Variants in MAPK4 observed in about 807,000 individuals in gnomAD.
The protein encoded by MAPK4 is Erk3-related.
In MAPK4, 22 loss-of-function variants were observed where a neutral mutation model predicts 47.7. The ratio of observed to expected loss-of-function variants is 0.46; its 90% CI spans 0.33 to 0.66. The LOEUF (loss-of-function observed/expected upper bound fraction) is 0.66, where lower values mean the gene tolerates loss of function less well. MAPK4 is among the 30% of genes least tolerant of loss of function. The pLI is 0.02. For synonymous variants in MAPK4, 390 were observed against 365.7 expected (o/e 1.07, Z -0.76); for missense variants, 736 against 831.7 (o/e 0.88, Z 1.42).
intron 2 of MAPK4, among the ~76,000 whole-genome samples, chr18:50,713,596 C>T (rs1426595802): frequency 6.6e-6 from 1 of 152,162 alleles, no homozygotes; most frequent in Non-Finnish European, 1.5e-5. Flanking sequence ...AGCTGCTGCC[C>T]ATGAGGGGCG....
In MAPK4 at chr18:50,729,881, C is replaced by T. The variant is rs756558615; in HGVS notation, c.*27C>T. 1 of 1,554,276 alleles carries T rather than the reference C, an allele frequency of 6.4e-7. No individual in the cohort carries two copies. The highest frequency in any genetic ancestry group is 1.2e-5 in the South Asian group (1 of 81,660). ...GGCGGAGGGGCCGCTCCAGGCCCCA[C>T]AGAGCAGGAGACCCCCAGAGAAAGC... On this transcript the variant is annotated 3_prime_UTR_variant, in exon 6 of 6. Transcript: ENST00000400384.
In MAPK4 at chr18:50,699,822, A is replaced by G. The variant is rs374494242; in HGVS notation, c.547-15257A>G. Among the ~76,000 whole-genome samples, 55 of 152,254 alleles carry G rather than the reference A, an allele frequency of 3.6e-4. 2 individuals are homozygous for G. In the South Asian group the frequency reaches 0.011, roughly 31 times the overall value. ...AACTCAGAAAAGCCCTGCATTTGTTATTATAGTTTTATTACAAAGGATTAA... is the reference window on the plus strand; with the variant it reads ...AACTCAGAAAAGCCCTGCATTTGTTGTTATAGTTTTATTACAAAGGATTAA... On this transcript the variant is annotated intron_variant, in intron 2 of 5. Coordinates refer to ENST00000400384, the MANE Select transcript of MAPK4 (RefSeq NM_002747.4).
At chr18:50,619,605 A>G (rs2042713804) in intron 1 of MAPK4, among the ~76,000 whole-genome samples, 1 of 152,186 alleles carries the variant, frequency 6.6e-6, no homozygotes, top group South Asian at 2.1e-4. Flanking sequence ...CTGGGATTAC[A>G]GGCGTGAGCC....
At chr18:50,583,312 G>C (rs942707612) in intron 1 of MAPK4, among the ~76,000 whole-genome samples, 1 of 152,220 alleles carries the variant, frequency 6.6e-6, no homozygotes, top group Non-Finnish European at 1.5e-5. Context: ...AATCAGCCAG[G>C]TGCGGTGGCT....
intron 1 of MAPK4, among the ~76,000 whole-genome samples, chr18:50,642,848 G>T (rs2042952624): frequency 6.6e-6 from 1 of 152,168 alleles, no homozygotes; most frequent in African/African-American, 2.4e-5. Flanking sequence ...CAGGTAATCC[G>T]CCCACCTTGG....
intron 1 of MAPK4, among the ~76,000 whole-genome samples, chr18:50,588,745 G>A (rs1030364935): frequency 3.3e-5 from 5 of 151,968 alleles, no homozygotes; most frequent in Non-Finnish European, 5.9e-5. Flanking sequence ...TAGTAAAGAT[G>A]GGGTTTCACC....
chr18:50,702,550 A>G (rs1909848326), intron 2 of MAPK4, among the ~76,000 whole-genome samples: 3 of 152,174 alleles, frequency 2.0e-5, no homozygotes, highest in Non-Finnish European at 4.4e-5. Flanking sequence ...AGCTTTTTAT[A>G]ATTTTTAATT....
chr18:50,602,946 G>A (rs1318432954), intron 1 of MAPK4, among the ~76,000 whole-genome samples: 3 of 151,990 alleles, frequency 2.0e-5, no homozygotes. Context: ...GGTGTCAGAG[G>A]GCCAAGATGG....
chr18:50,600,991 C>T (rs2042531977), intron 1 of MAPK4, among the ~76,000 whole-genome samples: 2 of 151,532 alleles, frequency 1.3e-5, no homozygotes, highest in African/African-American at 4.9e-5. Flanking sequence ...GGCACAATGG[C>T]TCACTCCTGT....
rs758675898 is a variant in MAPK4 at position 50,729,660 on chromosome 18, G to C, written c.1570G>C (p.Gly524Arg). The change falls in exon 6 of 6, where the codon GGC (glycine) becomes CGC (arginine). Residue 524 changes from glycine to arginine, a missense_variant. Around this residue, in one of 3 missense-constraint regions of MAPK4, gnomAD observed 377 missense variants for 378.6 expected, o/e 1.00. Transcript: ENST00000400384. ...PERRLSASPP[G>R]RPAPVDGGAS... ...GCGCCGCTTGTCTGCCTCGCCCCCC[G>C]GCCGCCCGGCCCCGGTGGACGGCGG... The C allele has an allele frequency of 2.2e-5, 34 of 1,520,518 alleles. 1 individual carries two copies. The Middle Eastern group carries it at 5.1e-3, about 230-fold the overall frequency. The allele number at this position is 1,520,518 out of a possible 1,614,324, so 94.2% of individuals were successfully genotyped here.
At chr18:50,611,480 C>T (rs1217803109) in intron 1 of MAPK4, among the ~76,000 whole-genome samples, 1 of 152,248 alleles carries the variant, frequency 6.6e-6, no homozygotes, top group African/African-American at 2.4e-5. Context: ...ACCTTAGGAG[C>T]AGCCCTGGGT....
chr18:50,576,923 A>G (rs1230925898), intron 1 of MAPK4, among the ~76,000 whole-genome samples: 1 of 152,202 alleles, frequency 6.6e-6, no homozygotes, highest in Admixed American at 6.5e-5. Context: ...ATTCAGTTTA[A>G]CAAATATTTC....
At chr18:50,567,074 A>G (rs2042204914) in intron 1 of MAPK4, among the ~76,000 whole-genome samples, 1 of 151,600 alleles carries the variant, frequency 6.6e-6, no homozygotes, top group Non-Finnish European at 1.5e-5. Context: ...TTGTCTTTCC[A>G]CAATGTCAGA....
chr18:50,714,702 C>G (rs191659631), intron 2 of MAPK4, among the ~76,000 whole-genome samples: 14 of 152,318 alleles, frequency 9.2e-5, no homozygotes, highest in Admixed American at 6.5e-4. Context: ...CTCATGGTTA[C>G]TCTGTTGCTA....
chr18:50,657,751 G>A (rs2043125598), intron 1 of MAPK4, among the ~76,000 whole-genome samples: 1 of 151,848 alleles, frequency 6.6e-6, no homozygotes, highest in African/African-American at 2.4e-5. Context: ...GGATGCTGCT[G>A]AACATTCAGC....
chr18:50,697,100 G>A (rs182650764), intron 2 of MAPK4, among the ~76,000 whole-genome samples: 1 of 152,334 alleles, frequency 6.6e-6, no homozygotes, highest in East Asian at 1.9e-4. Flanking sequence ...CCCTGGGGGT[G>A]AGGCCAGCAA....
At chr18:50,580,689 C>CTTCTCTCTTT (rs2042335727) in intron 1 of MAPK4, among the ~76,000 whole-genome samples, 1 of 152,122 alleles carries the variant, frequency 6.6e-6, no homozygotes, top group Non-Finnish European at 1.5e-5. Context: ...GGTGTTCTGC[C>CTTCTCTCTTT]TTCTCTCTTT....
intron 2 of MAPK4, among the ~76,000 whole-genome samples, chr18:50,671,270 C>G (rs1052792088): frequency 6.6e-6 from 1 of 152,166 alleles, no homozygotes; most frequent in Non-Finnish European, 1.5e-5. Flanking sequence ...GCTACACACA[C>G]CAGGGACCTA....
intron 2 of MAPK4, among the ~76,000 whole-genome samples, chr18:50,668,060 G>A (rs1454042581): frequency 6.6e-6 from 1 of 152,178 alleles, no homozygotes; most frequent in Non-Finnish European, 1.5e-5. Context: ...AGAACTCAGG[G>A]AAACACCTAT....
Sources: gnomAD v4.1 joint callset for allele counts (sites outside exome capture counted in the v4.1 genomes callset) on GRCh38, gnomAD v4.1.1 for gene constraint, gnomAD v4.1.1 regional missense constraint, MANE v1.5 for transcripts, NCBI Gene and HGNC (gene_info 2026-07-23, HGNC 2026-07-21) for gene names.